Variants in MYH8 observed in about 807,000 individuals in gnomAD.
MYH8 encodes the protein myosin-8.
In MYH8, 168 loss-of-function variants were observed where a neutral mutation model predicts 233.2. The ratio of observed to expected loss-of-function variants is 0.72; its 90% CI spans 0.64 to 0.82. The LOEUF (loss-of-function observed/expected upper bound fraction) is 0.82, where lower values mean the gene tolerates loss of function less well. Among genes scored for constraint, MYH8 ranks in the 40% least tolerant of loss-of-function variants. The pLI is 0.00. For missense variants in MYH8, 1,995 were observed against 2,327.8 expected, an observed-to-expected ratio of 0.86 and a Z score of 2.94; for synonymous variants, 785 against 850.6, an observed-to-expected ratio of 0.92 and a Z score of 1.34.
chr17:10,395,301 C>T lies in MYH8; in HGVS notation c.4794G>A (p.Glu1598=). The change falls in exon 34 of 40, where the codon GAG becomes GAA. Residue 1598 remains glutamate, a synonymous_variant. Coordinates refer to ENST00000403437, the MANE Select transcript of MYH8 (RefSeq NM_002472.3). ...QLKRNHTRVV[E]TMQSTLDAEI... ...CTGCATCCAGCGTGCTCTGCATTGTCTCCACGACTCTAGTGTGGTTTCTCT... is the reference window on the plus strand; with the variant it reads ...CTGCATCCAGCGTGCTCTGCATTGTTTCCACGACTCTAGTGTGGTTTCTCT... 2 of 1,614,208 alleles carry T rather than the reference C, an allele frequency of 1.2e-6. No homozygotes were observed. The highest frequency in any genetic ancestry group is 1.7e-6 in the Non-Finnish European group (2 of 1,180,042).
Position 10,390,366 on chromosome 17 carries a change from C to T in MYH8, c.*88G>A. On this transcript the variant is annotated 3_prime_UTR_variant, in exon 40 of 40. Transcript: ENST00000403437. ...GTAGTTTTTATTTATTCAGCTTTAA[C>T]AGGAAAATAAACGTCATAAAGCAAG... The T allele has an allele frequency of 2.6e-6, 4 of 1,522,378 alleles. No individual in the cohort carries two copies. The highest frequency in any genetic ancestry group is 3.6e-6 in the Non-Finnish European group (4 of 1,099,012). 94.3% of individuals were successfully genotyped at this position (1,522,378 alleles called of 1,614,324 possible).
At chr17:10,409,773 CA>C (rs2142183737) in intron 15 of MYH8, among the ~76,000 whole-genome samples, 185 bp from the exon 16 acceptor site, 1 of 152,348 alleles carries the variant, frequency 6.6e-6, no homozygotes, top group Admixed American at 6.5e-5. Flanking sequence ...TTCTCACATT[CA>C]ATCTGTAGCA....
Position 10,410,963 on chromosome 17 carries a change from G to C in MYH8, c.1417-16C>G. 1 of 1,613,922 alleles carries C rather than the reference G, an allele frequency of 6.2e-7. No homozygotes were observed. The highest frequency in any genetic ancestry group is 8.5e-7 in the Non-Finnish European group (1 of 1,179,926). ...GGCTGTTAAACTACACAAAATAATA[G>C]AGATTTCCAACATCAAATGAGTTTT... is the stretch of plus-strand genomic sequence containing the variant. On this transcript the variant is annotated splice_polypyrimidine_tract_variant and intron_variant, in intron 14 of 39. Coordinates refer to ENST00000403437, the MANE Select transcript of MYH8 (RefSeq NM_002472.3).
rs1164371002 is a variant in MYH8 at position 10,395,224 on chromosome 17, TCTC to T, written c.4868_4870del (p.Gly1623del). The T allele has an allele frequency of 6.2e-7, 1 of 1,614,014 alleles. No homozygotes were observed. Among genetic ancestry groups the T allele is most frequent in the Non-Finnish European group, 8.5e-7 (1 of 1,180,032 alleles). ...CAGCTGGATTTCCATTTCATTCAGA[TCTC>T]CTTCCATTTTCTTCTTGACTCTCAG... On this transcript the variant is annotated inframe_deletion, in exon 34 of 40. Transcript: ENST00000403437.
chr17:10,412,416 T>A lies in MYH8; in HGVS notation c.1370A>T (p.Gln457Leu). 1 of 1,614,254 alleles carries A rather than the reference T, an allele frequency of 6.2e-7. No homozygotes were observed. Among genetic ancestry groups the A allele is most frequent in the East Asian group, 2.2e-5 (1 of 44,888 alleles). ...AATGTCCAAGACCCCGATGAAGTAC[T>A]GCCTGGGCTGCTTGGTGTCCAGCTG... is the stretch of plus-strand genomic sequence containing the variant. ...NQQLDTKQPR[Q>L]YFIGVLDIAG... is the part of the protein sequence containing the mutation. The change falls in exon 14 of 40, where the codon CAG (glutamine) becomes CTG (leucine). Residue 457 changes from glutamine (Q) to leucine (L), a missense_variant. Gln to Leu is a moderately radical substitution (Grantham distance 113). Coordinates refer to ENST00000403437, the MANE Select transcript of MYH8 (RefSeq NM_002472.3).
At chr17:10,404,792 C>G (rs1005164831) in intron 21 of MYH8, among the ~76,000 whole-genome samples, 4 of 151,974 alleles carry the variant, frequency 2.6e-5, no homozygotes, top group Non-Finnish European at 5.9e-5. Context: ...GTCAGTAGCC[C>G]TCAGTATAAC....
intron 38 of MYH8, among the ~76,000 whole-genome samples, chr17:10,392,341 C>T (rs2072034003): frequency 6.6e-6 from 1 of 152,202 alleles, no homozygotes; most frequent in Admixed American, 6.5e-5. Flanking sequence ...TCTTTACTGT[C>T]ATGCTATTTT....
intron 28 of MYH8, 80 bp downstream of exon 28, chr17:10,399,463 G>A (rs1337806152): frequency 6.2e-7 from 1 of 1,601,136 alleles, no homozygotes; most frequent in East Asian, 2.2e-5. Flanking sequence ...CTCTAAAGTG[G>A]GAATATTGCT....
Position 10,410,828 on chromosome 17 carries a change from C to T in MYH8, c.1536G>A (p.Thr512=), listed in dbSNP as rs139038037. 26 of 1,613,826 alleles carry T rather than the reference C, an allele frequency of 1.6e-5. No homozygotes were observed. The highest frequency in any genetic ancestry group is 3.3e-5 in the South Asian group (3 of 91,064). ...EEYKKEGIEW[T]FIDFGMDLAA... ...CCAGGTCCATCCCAAAGTCAATGAA[C>T]GTCCACTCGATGCCTTCCTTCTTGT... is the stretch of plus-strand genomic sequence containing the variant. Residue 512 remains threonine, a synonymous_variant, in exon 15 of 40, where the codon ACG becomes ACA. Transcript: ENST00000403437.
rs2072076648 is a variant in MYH8 at position 10,396,181 on chromosome 17, C to A, written c.4653+149G>T. On this transcript the variant is annotated intron_variant, in intron 33 of 39. Transcript: ENST00000403437. This position sits in a 1 kb window ranked among gnomAD's most constrained non-coding sequence, Gnocchi z 4.2. Reference sequence around the variant, plus strand: ...AATCTTAGAAATAGAATTGATAGGTCAGAGTATTTACATTTTTAAGGATTT... The same window carrying A: ...AATCTTAGAAATAGAATTGATAGGTAAGAGTATTTACATTTTTAAGGATTT... The A allele has an allele frequency of 4.4e-6, 4 of 915,220 alleles. No individual in the cohort carries two copies. Among genetic ancestry groups the A allele is most frequent in the African/African-American group, 1.7e-5 (1 of 60,168 alleles). 56.7% of individuals were successfully genotyped at this position (915,220 alleles called of 1,614,324 possible).
Position 10,392,539 on chromosome 17 carries a change from T to C in MYH8, c.5568+3A>G. On this transcript the variant is annotated splice_donor_region_variant and intron_variant, in intron 38 of 39. Coordinates refer to ENST00000403437, the MANE Select transcript of MYH8 (RefSeq NM_002472.3). The stretch of plus-strand genomic sequence containing the variant: ...GGATATTCTGGAAGGCTATTCCCTT[T>C]ACCTGGTAGGTGAGTTCTTTTACTC... The C allele has an allele frequency of 6.2e-7, 1 of 1,613,184 alleles. No homozygotes were observed. The highest frequency in any genetic ancestry group is 8.5e-7 in the Non-Finnish European group (1 of 1,179,082).
intron 5 of MYH8, among the ~76,000 whole-genome samples, chr17:10,416,475 T>C (rs2072291485): frequency 6.6e-6 from 1 of 152,206 alleles, no homozygotes; most frequent in Non-Finnish European, 1.5e-5. Flanking sequence ...TACTCAGAAG[T>C]AGAATTGTGG....
chr17:10,415,093 T>A lies in MYH8; in HGVS notation c.805+23A>T, dbSNP rs200702411. ...GAAATCACTTGTCTCTCTGTTTTGA[T>A]TTTCAATGGTCCTGTTACTCACATG... On this transcript the variant is annotated intron_variant, in intron 9 of 39. Transcript: ENST00000403437. The surrounding 1 kb of genome is among the most constrained non-coding windows in gnomAD (Gnocchi z 4.1). 1.6e-5 allele frequency: 25 copies of A among 1,605,804 alleles called. No homozygotes were observed. In the Admixed American group the frequency reaches 3.2e-4, roughly 20 times the overall value.
rs1313276726 is a variant in MYH8 at position 10,392,881 on chromosome 17, G to T, written c.5413C>A (p.Gln1805Lys). ...TTCTTCCCACCCTTCAGCGCCAGCTGCTCGGCCTCATCTAGACGATGCTGC... is the reference window on the plus strand; with the variant it reads ...TTCTTCCCACCCTTCAGCGCCAGCTTCTCGGCCTCATCTAGACGATGCTGC... ...DLQHRLDEAEQLALKGGKKQI... is the reference protein window; with the variant it reads ...DLQHRLDEAEKLALKGGKKQI... Residue 1805 changes from glutamine to lysine, a missense_variant, in exon 37 of 40, where the codon CAG becomes AAG. Gln to Lys is a moderately conservative substitution (Grantham distance 53). Around this residue, in one of 3 missense-constraint regions of MYH8, gnomAD observed 1,498 missense variants for 1,680.9 expected, o/e 0.89. Coordinates refer to ENST00000403437, the MANE Select transcript of MYH8 (RefSeq NM_002472.3). 1 of 1,614,034 alleles carries T rather than the reference G, an allele frequency of 6.2e-7. No individual in the cohort carries two copies. The highest frequency in any genetic ancestry group is 1.3e-5 in the African/African-American group (1 of 74,910).
At position 10,412,457 on chromosome 17, in the gene MYH8, G is replaced by A; in HGVS notation, c.1329C>T (p.Val443=). Residue 443 remains valine, a synonymous_variant, in exon 14 of 40, where the codon GTC becomes GTT. Transcript: ENST00000403437. Reference sequence around the variant, plus strand: ...TGTCCAGCTGCTGGTTGATGCGGGTGACCATCCACAGGAACATCTTCTCGT... The same window carrying A: ...TGTCCAGCTGCTGGTTGATGCGGGTAACCATCCACAGGAACATCTTCTCGT... The part of the protein sequence containing the change: ...AVYEKMFLWM[V]TRINQQLDTK... 1 of 1,614,250 alleles carries A rather than the reference G, an allele frequency of 6.2e-7. No individual in the cohort carries two copies. The highest frequency in any genetic ancestry group is 1.1e-5 in the South Asian group (1 of 91,088).
intron 14 of MYH8, among the ~76,000 whole-genome samples, chr17:10,411,663 A>G (rs2072245729): frequency 6.6e-6 from 1 of 152,198 alleles, no homozygotes; most frequent in Non-Finnish European, 1.5e-5. Flanking sequence ...TGGCTGTTAC[A>G]TTATTAAGGA....
intron 22 of MYH8, among the ~76,000 whole-genome samples, chr17:10,403,181 A>T (rs930057658): frequency 2.0e-5 from 3 of 152,322 alleles, no homozygotes. Flanking sequence ...AAGTTATGCC[A>T]CATTTGCCTT....
chr17:10,391,867 C>G lies in MYH8; in HGVS notation c.5664+15G>C, dbSNP rs1339076101. The G allele has an allele frequency of 1.9e-6, 3 of 1,605,764 alleles. No individual in the cohort carries two copies. In the Admixed American group the frequency reaches 5.0e-5, roughly 27 times the overall value. ...AGAAATTTCCTTCTTTCCTCAAGGG[C>G]TTAAAGATACTTACAGCCTCCTCAG... On this transcript the variant is annotated intron_variant, in intron 39 of 39. Transcript: ENST00000403437.
chr17:10,396,213 C>T lies in MYH8; in HGVS notation c.4653+117G>A. 8.2e-7 allele frequency: 1 copy of T among 1,225,204 alleles called. No individual in the cohort carries two copies. Among genetic ancestry groups the T allele is most frequent in the South Asian group, 1.3e-5 (1 of 75,036 alleles). 75.9% of individuals were successfully genotyped at this position (1,225,204 alleles called of 1,614,324 possible). ...TTTACATTTTTAAGGATTTTGATAA[C>T]TATTGCCAAGTTGTCCTTCATAAAG... On this transcript the variant is annotated intron_variant, in intron 33 of 39. Transcript: ENST00000403437. This position sits in a 1 kb window ranked among gnomAD's most constrained non-coding sequence, Gnocchi z 4.2.
Sources: gnomAD v4.1 joint callset for allele counts (sites outside exome capture counted in the v4.1 genomes callset) on GRCh38, gnomAD v4.1.1 for gene constraint, gnomAD v4.1.1 regional missense constraint, Gnocchi (gnomAD v3.1) non-coding constraint, MANE v1.5 for transcripts, NCBI Gene and HGNC (gene_info 2026-07-23, HGNC 2026-07-21) for gene names.